Variants in FGF14 observed in about 807,000 individuals in gnomAD.
The protein encoded by FGF14 is fibroblast growth factor homologous factor 4.
A neutral mutation model predicts 25.5 loss-of-function variants in FGF14; 5 were observed. The ratio of observed to expected loss-of-function variants is 0.20; its 90% confidence interval spans 0.10 to 0.41. The LOEUF (loss-of-function observed/expected upper bound fraction) is 0.41, where lower values mean the gene tolerates loss of function less well. Ranked by LOEUF, FGF14 falls within the 10% of genes least tolerant of loss-of-function variation. The probability of loss-of-function intolerance (pLI) is 1.00; values close to 1 mark genes in which losing one functional copy is unlikely to be tolerated. For synonymous variants in FGF14, 138 were observed against 118.3 expected (o/e 1.17, Z -1.08); for missense variants, 222 against 320.1 (o/e 0.69, Z 2.34).
chr13:101,943,639 C>T (rs974500590), intron 1 of FGF14, among the ~76,000 whole-genome samples: 1 of 152,014 alleles, frequency 6.6e-6, no homozygotes. Context: ...TGCATTCAGA[C>T]ACTTGCACAA....
chr13:102,135,050 C>A (rs1232862988), intron 1 of FGF14, among the ~76,000 whole-genome samples: 3 of 150,488 alleles, frequency 2.0e-5, no homozygotes, highest in Non-Finnish European at 3.0e-5. Flanking sequence ...CACACACACA[C>A]ACACACACAC....
intron 1 of FGF14, among the ~76,000 whole-genome samples, chr13:102,078,810 C>T (rs1274451540): frequency 2.0e-5 from 3 of 152,268 alleles, no homozygotes; most frequent in Middle Eastern, 3.4e-3. Context: ...GGAAAGCTAG[C>T]AAAGAGTTTT....
intron 1 of FGF14, among the ~76,000 whole-genome samples, chr13:102,209,561 T>C (rs2050078861): frequency 1.3e-5 from 2 of 152,306 alleles, no homozygotes; most frequent in South Asian, 2.1e-4. Context: ...GCAGGTCCCT[T>C]TGGCTGAGAG....
chr13:102,375,854 G>A (rs886480244), intron 1 of FGF14, among the ~76,000 whole-genome samples: 3 of 152,052 alleles, frequency 2.0e-5, no homozygotes, highest in African/African-American at 4.8e-5. Flanking sequence ...ATCAAAAATC[G>A]TAACCAAAAG....
At chr13:102,118,022 C>G (rs930595482) in intron 1 of FGF14, among the ~76,000 whole-genome samples, 9 of 152,042 alleles carry the variant, frequency 5.9e-5, no homozygotes, top group Admixed American at 5.9e-4. Context: ...ATGAATATAA[C>G]TGTATGCCAA....
chr13:101,834,476 CAGTCAAA>C (rs2140294021), intron 3 of FGF14, among the ~76,000 whole-genome samples: 1 of 152,152 alleles, frequency 6.6e-6, no homozygotes, highest in East Asian at 1.9e-4. Flanking sequence ...TCATTAAATT[CAGTCAAA>C]AGATTCTTCC....
At chr13:102,372,888 T>C (rs1459570532) in intron 1 of FGF14, among the ~76,000 whole-genome samples, 1 of 152,116 alleles carries the variant, frequency 6.6e-6, no homozygotes, top group Non-Finnish European at 1.5e-5. Flanking sequence ...CTTCATAACA[T>C]TCCTACAAGA....
intron 3 of FGF14, among the ~76,000 whole-genome samples, chr13:101,732,429 A>G (rs924610557): frequency 3.3e-4 from 50 of 152,214 alleles, no homozygotes; most frequent in African/African-American, 1.1e-3. Flanking sequence ...AATAGCACAT[A>G]ATAAATACAT....
At chr13:102,325,773 T>G (rs900590963) in intron 1 of FGF14, among the ~76,000 whole-genome samples, 4 of 152,180 alleles carry the variant, frequency 2.6e-5, no homozygotes. Context: ...TGTTTCCTCC[T>G]GCCTAGTCCA....
chr13:102,354,797 T>C (rs2057377845), intron 1 of FGF14, among the ~76,000 whole-genome samples: 1 of 152,232 alleles, frequency 6.6e-6, no homozygotes, highest in Non-Finnish European at 1.5e-5. Context: ...CTTCCCTTTA[T>C]ATAATGTGTT....
chr13:102,238,999 G>T (rs1048895411), intron 1 of FGF14, among the ~76,000 whole-genome samples: 1 of 151,896 alleles, frequency 6.6e-6, no homozygotes, highest in African/African-American at 2.4e-5. Flanking sequence ...AAGCATGGTG[G>T]ACTCAAAAGA....
intron 1 of FGF14, among the ~76,000 whole-genome samples, chr13:102,171,125 T>A (rs1286685184): frequency 6.6e-6 from 1 of 152,164 alleles, no homozygotes; most frequent in Non-Finnish European, 1.5e-5. Flanking sequence ...ATATAATATT[T>A]GAGGCAATAT....
At chr13:102,230,869 C>A (rs1188087629) in intron 1 of FGF14, among the ~76,000 whole-genome samples, 1 of 151,940 alleles carries the variant, frequency 6.6e-6, no homozygotes, top group Admixed American at 6.6e-5. Flanking sequence ...ATGGATAAAG[C>A]CATATTTTAT....
At chr13:102,319,205 C>A (rs1017777392) in intron 1 of FGF14, among the ~76,000 whole-genome samples, 1 of 152,128 alleles carries the variant, frequency 6.6e-6, no homozygotes, top group Non-Finnish European at 1.5e-5. Context: ...CTGAGTAATT[C>A]AATTTATAGG....
At position 101,718,022 on chromosome 13, in the gene FGF14, C is replaced by T. The variant is rs2034790938; in HGVS notation, c.*4809G>A. 1.3e-5 allele frequency: 2 copies of T among 151,840 alleles called. No individual in the cohort carries two copies. The highest frequency in any genetic ancestry group is 2.9e-5 in the Non-Finnish European group (2 of 67,954). The allele number at this position is 151,840 out of a possible 1,614,324, so 9.4% of individuals were successfully genotyped here. On this transcript the variant is annotated 3_prime_UTR_variant, in exon 5 of 5. Transcript: ENST00000376143. ...TTAGATATTGGAGAAATTATCATAC[C>T]ATAAAAAGTTCAAAATGTGATTCAT...
intron 1 of FGF14, among the ~76,000 whole-genome samples, chr13:102,260,034 C>G (rs1051410287): frequency 6.6e-6 from 1 of 152,136 alleles, no homozygotes; most frequent in Admixed American, 6.5e-5. Context: ...GTGAGCACAT[C>G]ACTAGCGAAG....
intron 1 of FGF14, among the ~76,000 whole-genome samples, chr13:102,110,811 C>T (rs1367615828): frequency 6.6e-6 from 1 of 152,150 alleles, no homozygotes; most frequent in Admixed American, 6.6e-5. Flanking sequence ...CAGTTCCTCT[C>T]TACCCTGCAA....
chr13:102,401,837 C>A, upstream of FGF14: 2 of 683,456 alleles, frequency 2.9e-6, no homozygotes, highest in South Asian at 3.5e-5. Flanking sequence ...GAGAAAAAAT[C>A]CTTTTTCAGC....
At chr13:101,778,283 C>T (rs909985517) in intron 3 of FGF14, among the ~76,000 whole-genome samples, 2 of 152,096 alleles carry the variant, frequency 1.3e-5, no homozygotes, top group Admixed American at 6.6e-5. Context: ...TAAAGATGCC[C>T]GTTGCCATCG....
Sources: gnomAD v4.1 joint callset for allele counts (sites outside exome capture counted in the v4.1 genomes callset) on GRCh38, gnomAD v4.1.1 for gene constraint, MANE v1.5 for transcripts, NCBI Gene and HGNC (gene_info 2026-07-23, HGNC 2026-07-21) for gene names.